The following TMEM38B variants were observed in gnomAD, a reference collection of about 807,000 sequenced individuals.
The protein encoded by TMEM38B is transmembrane protein 38B, also known as trimeric intracellular cation channel type B.
In TMEM38B, 24 loss-of-function variants were observed where a neutral mutation model predicts 28.7. The ratio of observed to expected loss-of-function variants is 0.84; its 90% CI spans 0.61 to 1.18. TMEM38B has a LOEUF of 1.18. Ranked by LOEUF, TMEM38B falls within the 50% of genes most tolerant of loss-of-function variation. The pLI is 0.00. For synonymous variants in TMEM38B, 131 were observed against 127.7 expected, an observed-to-expected ratio of 1.03 and a Z score of -0.17; for missense variants, 380 against 350.9, an observed-to-expected ratio of 1.08 and a Z score of -0.66.
rs1473492815 is a variant in TMEM38B at position 105,768,955 on chromosome 9, CTA to C, written c.661-4907_661-4906del. ...TGGGGTTTACTTGGTTCTTCCTTTA[CTA>C]TAAAGAAAATATTGATAAATTTGAC... On this transcript the variant is annotated intron_variant, in intron 5 of 5. Transcript: ENST00000374692. Among the ~76,000 whole-genome samples, 70 of 152,056 alleles carry C rather than the reference CTA, an allele frequency of 4.6e-4. 1 individual carries two copies. Among genetic ancestry groups the C allele is most frequent in the Non-Finnish European group, 1.8e-4 (12 of 68,006 alleles).
At chr9:105,734,333 T>A (rs1175221134) in intron 4 of TMEM38B, among the ~76,000 whole-genome samples, 1 of 152,146 alleles carries the variant, frequency 6.6e-6, no homozygotes, top group Non-Finnish European at 1.5e-5. Flanking sequence ...ATTATTAAAT[T>A]TGTTAGGACT....
chr9:105,694,858 G>T, intron 1 of TMEM38B, 86 bp downstream of exon 1: 2 of 659,926 alleles, frequency 3.0e-6, no homozygotes, highest in South Asian at 1.8e-5. Flanking sequence ...GGTGGGTCGG[G>T]TGGGCGGCTG....
chr9:105,747,946 C>G, intron 4 of TMEM38B, 127 bp from the exon 5 acceptor site: 2 of 632,778 alleles, frequency 3.2e-6, no homozygotes, highest in Admixed American at 2.8e-5. Flanking sequence ...AGTGTTTTAA[C>G]AAAACTCATT....
At chr9:105,706,252 T>C (rs2133554108) in intron 2 of TMEM38B, among the ~76,000 whole-genome samples, 1 of 152,328 alleles carries the variant, frequency 6.6e-6, no homozygotes, top group East Asian at 1.9e-4. Context: ...TTTTCCCTTA[T>C]CTTCTCCCAG....
chr9:105,747,882 CAGTTTT>C (rs1476954406), intron 4 of TMEM38B, among the ~76,000 whole-genome samples, 185 bp from the exon 5 acceptor site: 1 of 152,054 alleles, frequency 6.6e-6, no homozygotes, highest in African/African-American at 2.4e-5. Flanking sequence ...TGTATTTGAG[CAGTTTT>C]GAGTGAGTTT....
At chr9:105,734,615 A>G (rs1197360053) in intron 4 of TMEM38B, among the ~76,000 whole-genome samples, 1 of 152,060 alleles carries the variant, frequency 6.6e-6, no homozygotes, top group Non-Finnish European at 1.5e-5. Flanking sequence ...TAGTTGCTCC[A>G]ATGTTGGGAA....
At chr9:105,712,100 A>C (rs1488192767) in intron 2 of TMEM38B, among the ~76,000 whole-genome samples, 59 of 152,234 alleles carry the variant, frequency 3.9e-4, no homozygotes. Context: ...TTTTTAGTGC[A>C]GCCGGGGTTT....
At chr9:105,722,093 T>C (rs575818570) in intron 3 of TMEM38B, among the ~76,000 whole-genome samples, 38 of 152,322 alleles carry the variant, frequency 2.5e-4, no homozygotes, top group African/African-American at 8.7e-4. Flanking sequence ...TTTTTTTCAT[T>C]CAGAATTACT....
intron 1 of TMEM38B, among the ~76,000 whole-genome samples, chr9:105,698,613 A>G (rs1182683783): frequency 6.6e-6 from 1 of 152,070 alleles, no homozygotes; most frequent in Non-Finnish European, 1.5e-5. Context: ...TTAATTCATT[A>G]GGGATTTTGA....
chr9:105,700,435 G>A (rs1315316274), intron 1 of TMEM38B, among the ~76,000 whole-genome samples: 1 of 152,148 alleles, frequency 6.6e-6, no homozygotes, highest in Non-Finnish European at 1.5e-5. Flanking sequence ...ATGAGGAATA[G>A]TTTTAAGGGA....
Position 105,774,016 on chromosome 9 carries a change from C to T in TMEM38B, c.812C>T (p.Ala271Val). The change falls in exon 6 of 6, where the codon GCC becomes GTC. Residue 271 changes from alanine to valine, a missense_variant. Transcript: ENST00000374692. ...CCTTCCAATGGCGTTGGGTCATTGG[C>T]CTCAAAGCCGGTAGATGTTGCCTCA... ...KSPSNGVGSL[A>V]SKPVDVASDN... The T allele has an allele frequency of 6.2e-7, 1 of 1,613,690 alleles. No individual in the cohort carries two copies. Among genetic ancestry groups the T allele is most frequent in the Non-Finnish European group, 8.5e-7 (1 of 1,179,768 alleles).
intron 5 of TMEM38B, among the ~76,000 whole-genome samples, chr9:105,762,224 T>A (rs1838079759): frequency 6.6e-6 from 1 of 152,108 alleles, no homozygotes; most frequent in South Asian, 2.1e-4. Context: ...TAAATATGAC[T>A]TTATCCTAGA....
intron 2 of TMEM38B, among the ~76,000 whole-genome samples, chr9:105,709,603 C>T (rs542886716): frequency 2.8e-4 from 43 of 152,262 alleles, no homozygotes; most frequent in African/African-American, 8.9e-4. Flanking sequence ...ACAGTGTCAG[C>T]ACTCAATAAA....
At chr9:105,725,487 C>T (rs1437451971) in intron 4 of TMEM38B, among the ~76,000 whole-genome samples, 3 of 151,316 alleles carry the variant, frequency 2.0e-5, no homozygotes, top group South Asian at 2.1e-4. Context: ...TGTTGCTTAA[C>T]GATGGGGATA....
intron 2 of TMEM38B, among the ~76,000 whole-genome samples, chr9:105,708,274 G>A (rs992975164): frequency 6.6e-6 from 1 of 152,132 alleles, no homozygotes; most frequent in African/African-American, 2.4e-5. Flanking sequence ...ACAATAATGT[G>A]TAACAACTAT....
chr9:105,725,966 A>G (rs1199312667), intron 4 of TMEM38B, among the ~76,000 whole-genome samples: 1 of 152,252 alleles, frequency 6.6e-6, no homozygotes, highest in East Asian at 1.9e-4. Context: ...TTTCTTTTTT[A>G]AAAAATTTCC....
At chr9:105,707,976 A>G (rs1032359013) in intron 2 of TMEM38B, among the ~76,000 whole-genome samples, 1 of 152,224 alleles carries the variant, frequency 6.6e-6, no homozygotes, top group Admixed American at 6.5e-5. Context: ...TGCTGAAACT[A>G]TACAAAAAGG....
chr9:105,707,830 A>G (rs941786477), intron 2 of TMEM38B, among the ~76,000 whole-genome samples: 2 of 152,190 alleles, frequency 1.3e-5, no homozygotes, highest in African/African-American at 4.8e-5. Context: ...TCTCTCACAG[A>G]TTTGTTTAAC....
intron 5 of TMEM38B, chr9:105,759,379 A>G: frequency 7.1e-7 from 1 of 1,417,318 alleles, no homozygotes; most frequent in Non-Finnish European, 9.8e-7. Flanking sequence ...CATAGAGAAA[A>G]AAGAAGAATA....
Sources: allele counts gnomAD v4.1 joint callset (sites outside exome capture counted in the v4.1 genomes callset), GRCh38; gene constraint gnomAD v4.1.1; transcripts MANE v1.5; gene names NCBI Gene and HGNC (gene_info 2026-07-23, HGNC 2026-07-21).